The following AHI1 variants were observed in gnomAD, a reference collection of about 807,000 sequenced individuals.
AHI1 encodes Abelson helper integration site 1, also known as jouberin.
Under a neutral mutation model 149.3 loss-of-function variants are expected in AHI1, and 123 were observed. The ratio of observed to expected loss-of-function variants is 0.82; its 90% CI spans 0.71 to 0.96. The LOEUF (loss-of-function observed/expected upper bound fraction) is 0.96, where lower values mean the gene tolerates loss of function less well. AHI1 is among the 40% of genes least tolerant of loss of function. The pLI, the probability that AHI1 is intolerant of heterozygous loss-of-function variation, is 0.00. For synonymous variants in AHI1, 475 were observed against 459.8 expected (o/e 1.03, Z -0.42); for missense variants, 1,439 against 1,422.7 (o/e 1.01, Z -0.18).
intron 20 of AHI1, among the ~76,000 whole-genome samples, chr6:135,414,239 T>C (rs187506582): frequency 6.6e-6 from 1 of 152,276 alleles, no homozygotes; most frequent in East Asian, 1.9e-4. Context: ...AATAGTTGGA[T>C]ATTCATATGT....
At chr6:135,354,534 T>C (rs567931675) in intron 24 of AHI1, among the ~76,000 whole-genome samples, 1 of 152,262 alleles carries the variant, frequency 6.6e-6, no homozygotes, top group East Asian at 1.9e-4. Context: ...CCATTTCCCT[T>C]TGATTTGCAA....
At chr6:135,421,011 T>C (rs1324272310) in intron 20 of AHI1, among the ~76,000 whole-genome samples, 1 of 152,150 alleles carries the variant, frequency 6.6e-6, no homozygotes, top group African/African-American at 2.4e-5. Context: ...ACTGGCTTAA[T>C]TTCAATACTG....
At chr6:135,302,134 G>T in intron 26 of AHI1, 1 of 984,660 alleles carries the variant, frequency 1.0e-6, no homozygotes, top group Non-Finnish European at 1.2e-6. Flanking sequence ...TGGGATTACA[G>T]GTGTGCGCCT....
chr6:135,448,964 T>G (rs1787673453), intron 11 of AHI1, among the ~76,000 whole-genome samples: 1 of 152,230 alleles, frequency 6.6e-6, no homozygotes, highest in Admixed American at 6.5e-5. Context: ...TACATTTTTT[T>G]CAGTATTTTA....
chr6:135,323,299 G>T lies in AHI1; in HGVS notation c.3191C>A (p.Ala1064Glu), dbSNP rs769705227. ...GATGGTTAGTTCATCTGATCGATTC[G>T]CTGTGTAGTCATAAAGAGCCACTAC... ...PTVVALYDYT[A>E]NRSDELTIHR... The change falls in exon 25 of 29, where the codon GCG (alanine) becomes GAG (glutamate). Residue 1064 changes from alanine (A) to glutamate (E), a missense_variant. Physicochemically the swap from Ala to Glu is moderately radical, Grantham distance 107 (BLOSUM62 -1). Transcript: ENST00000265602. 1.2e-6 allele frequency: 2 copies of T among 1,613,476 alleles called. No individual in the cohort carries two copies. The highest frequency in any genetic ancestry group is 2.2e-5 in the South Asian group (2 of 90,924).
chr6:135,301,761 C>G, intron 26 of AHI1: 1 of 985,394 alleles, frequency 1.0e-6, no homozygotes, highest in Non-Finnish European at 1.2e-6. Flanking sequence ...TTTTTCTCCA[C>G]CAGTGGAATT....
chr6:135,321,541 A>G (rs1222927138), intron 25 of AHI1, among the ~76,000 whole-genome samples: 1 of 152,194 alleles, frequency 6.6e-6, no homozygotes, highest in African/African-American at 2.4e-5. Flanking sequence ...TGCCAAAGAC[A>G]GATAATTTTA....
At chr6:135,436,201 G>C (rs1272943896) in intron 15 of AHI1, among the ~76,000 whole-genome samples, 3 of 152,172 alleles carry the variant, frequency 2.0e-5, no homozygotes, top group Non-Finnish European at 2.9e-5. Context: ...TCAGCTAAAG[G>C]ATCCTGGGGA....
At chr6:135,444,589 C>T (rs1786863461) in intron 13 of AHI1, among the ~76,000 whole-genome samples, 1 of 152,198 alleles carries the variant, frequency 6.6e-6, no homozygotes. Flanking sequence ...AGCCCTTCTT[C>T]CACCATTGTA....
intron 23 of AHI1, among the ~76,000 whole-genome samples, chr6:135,363,744 C>T (rs566826821): frequency 1.9e-4 from 26 of 139,110 alleles, no homozygotes; most frequent in South Asian, 7.0e-4. Flanking sequence ...ACTTCCCGGA[C>T]GGGGCAGCTG....
chr6:135,359,870 A>C (rs1410533674), intron 23 of AHI1, among the ~76,000 whole-genome samples: 1 of 152,162 alleles, frequency 6.6e-6, no homozygotes, highest in Non-Finnish European at 1.5e-5. Flanking sequence ...AAAAATCTAT[A>C]TATACAGTTT....
At chr6:135,407,782 G>T (rs866886397) in intron 21 of AHI1, among the ~76,000 whole-genome samples, 6 of 152,102 alleles carry the variant, frequency 3.9e-5, no homozygotes, top group Non-Finnish European at 7.4e-5. Context: ...GGAGGCCGAG[G>T]TGGGCGGATC....
intron 26 of AHI1, among the ~76,000 whole-genome samples, chr6:135,313,129 C>G (rs1785444985): frequency 6.6e-6 from 1 of 152,112 alleles, no homozygotes; most frequent in African/African-American, 2.4e-5. Flanking sequence ...ACTCAGAGTG[C>G]ACTCAAATCA....
chr6:135,438,817 C>T lies in AHI1; in HGVS notation c.1913-319G>A, dbSNP rs79218814. Among the ~76,000 whole-genome samples the T allele has an allele frequency of 0.032, 4,820 of 152,084 alleles. 242 individuals are homozygous for T. Among genetic ancestry groups the T allele is most frequent in the African/African-American group, 0.11 (4,382 of 41,456 alleles). ...ATAATAACATTTACATTGCAATTCACTTATATTCTATAATTTAGGCTTTCA... is the reference window on the plus strand; with the variant it reads ...ATAATAACATTTACATTGCAATTCATTTATATTCTATAATTTAGGCTTTCA... On this transcript the variant is annotated intron_variant, in intron 14 of 28. Coordinates refer to ENST00000265602, the MANE Select transcript of AHI1 (RefSeq NM_001134831.2).
intron 8 of AHI1, 77 bp from the exon 9 acceptor site, chr6:135,457,790 A>C: frequency 3.0e-6 from 4 of 1,355,492 alleles, no homozygotes; most frequent in Non-Finnish European, 4.2e-6. Flanking sequence ...CTAATCTTTA[A>C]GATCTGTGAT....
chr6:135,353,003 A>G (rs1792395058), intron 24 of AHI1, among the ~76,000 whole-genome samples: 2 of 151,932 alleles, frequency 1.3e-5, no homozygotes, highest in Admixed American at 1.3e-4. Context: ...AGGTAGAAAA[A>G]TTTAGCAAAA....
chr6:135,466,768 A>C (rs1020232248), intron 6 of AHI1, among the ~76,000 whole-genome samples: 6 of 152,192 alleles, frequency 3.9e-5, no homozygotes, highest in African/African-American at 1.4e-4. Flanking sequence ...CCAATAGGAA[A>C]TATACATGGG....
chr6:135,340,907 T>C (rs1031987617), intron 24 of AHI1, among the ~76,000 whole-genome samples: 2 of 151,200 alleles, frequency 1.3e-5, no homozygotes, highest in African/African-American at 2.4e-5. Flanking sequence ...TAGATTGTTT[T>C]GAGATGTTAA....
chr6:135,375,547 T>C (rs1209892521), intron 23 of AHI1, among the ~76,000 whole-genome samples: 1 of 152,144 alleles, frequency 6.6e-6, no homozygotes, highest in Non-Finnish European at 1.5e-5. Context: ...GAAAAATAAA[T>C]TGAATCCATA....
Sources: allele counts gnomAD v4.1 joint callset (sites outside exome capture counted in the v4.1 genomes callset), GRCh38; gene constraint gnomAD v4.1.1; transcripts MANE v1.5; gene names NCBI Gene and HGNC (gene_info 2026-07-23, HGNC 2026-07-21).